UGT2B11: variants seen among roughly 807,000 people sequenced by gnomAD.
UGT2B11 encodes the protein UDP-glucuronosyltransferase 2B11.
A neutral mutation model predicts 51.7 loss-of-function variants in UGT2B11; 49 were observed. The ratio of observed to expected loss-of-function variants is 0.95; its 90% CI spans 0.75 to 1.20. The LOEUF is 1.20. Among genes scored for constraint, UGT2B11 ranks in the 50% most tolerant of loss-of-function variants. The pLI is 0.00. For missense variants in UGT2B11, 810 were observed against 622.1 expected (o/e 1.30, Z -3.21); for synonymous variants, 273 against 209.0 (o/e 1.31, Z -2.64).
intron 4 of UGT2B11, among the ~76,000 whole-genome samples, chr4:69,205,201 A>T (rs1447893206): frequency 6.6e-6 from 1 of 151,728 alleles, no homozygotes; most frequent in Non-Finnish European, 1.5e-5. Context: ...AAAATTGTAG[A>T]AACAGGAGAC....
chr4:69,205,140 T>C (rs952739930), intron 4 of UGT2B11, among the ~76,000 whole-genome samples: 1 of 151,646 alleles, frequency 6.6e-6, no homozygotes, highest in African/African-American at 2.4e-5. Flanking sequence ...GAAGAGCTAT[T>C]ATATTTACTG....
Position 69,214,549 on chromosome 4 carries a change from A to C in UGT2B11, c.174T>G (p.Ser58=). 1 of 1,613,250 alleles carries C rather than the reference A, an allele frequency of 6.2e-7. No individual in the cohort carries two copies. The highest frequency in any genetic ancestry group is 8.5e-7 in the Non-Finnish European group (1 of 1,179,490). ...TGGGATCAAAAAGAATGGAAGCTGA[A>C]GATGCCAGTACAGTCACCTCATGAC... The part of the protein sequence containing the change: ...QRGHEVTVLA[S]SASILFDPND... The change falls in exon 1 of 6, where the codon TCT becomes TCG. Residue 58 remains serine, a synonymous_variant. Coordinates refer to ENST00000446444, the MANE Select transcript of UGT2B11 (RefSeq NM_001073.3).
At chr4:69,201,021 G>A (rs543173690) in intron 5 of UGT2B11, among the ~76,000 whole-genome samples, 1 of 151,294 alleles carries the variant, frequency 6.6e-6, no homozygotes, top group African/African-American at 2.4e-5. Flanking sequence ...AAGTTTTTGT[G>A]GGTCCATATT....
Position 69,214,241 on chromosome 4 carries a change from G to C in UGT2B11, c.482C>G (p.Ala161Gly). The change falls in exon 1 of 6, where the codon GCT becomes GGT. Residue 161 changes from alanine (A) to glycine (G), a missense_variant. Coordinates refer to ENST00000446444, the MANE Select transcript of UGT2B11 (RefSeq NM_001073.3). ...CACAAACCGTATGTTAAGTAGCGCA[G>C]CCAGCAGCTCACCACAGGGAAAAAC... The part of the protein sequence containing the change: ...DAVFPCGELL[A>G]ALLNIRFVYS... The C allele has an allele frequency of 1.2e-6, 2 of 1,613,302 alleles. No individual in the cohort carries two copies. The highest frequency in any genetic ancestry group is 1.3e-5 in the African/African-American group (1 of 74,966).
upstream of UGT2B11, among the ~76,000 whole-genome samples, chr4:69,218,210 T>A (rs1246246253): frequency 6.6e-6 from 1 of 152,072 alleles, no homozygotes; most frequent in Non-Finnish European, 1.5e-5. Flanking sequence ...AGAGTCTACT[T>A]CTTGGAGCCA....
chr4:69,223,150 G>A, the UGT2B11 span, among the ~76,000 whole-genome samples: 1 of 152,138 alleles, frequency 6.6e-6, no homozygotes, highest in Admixed American at 6.5e-5. Flanking sequence ...AGGGGACCAC[G>A]TTTCTCCATT....
At chr4:69,220,447 G>A in the UGT2B11 span, among the ~76,000 whole-genome samples, 1 of 151,962 alleles carries the variant, frequency 6.6e-6, no homozygotes, top group Non-Finnish European at 1.5e-5. Context: ...CTCTCTGTGT[G>A]GGTGTGTTGG....
chr4:69,209,932 GT>G (rs1560539347), intron 2 of UGT2B11, among the ~76,000 whole-genome samples: 3 of 151,132 alleles, frequency 2.0e-5, no homozygotes, highest in Non-Finnish European at 4.4e-5. Flanking sequence ...AGTATGAAAA[GT>G]TTTTTAAAAA....
At chr4:69,224,032 C>T in the UGT2B11 span, among the ~76,000 whole-genome samples, 13 of 152,162 alleles carry the variant, frequency 8.5e-5, no homozygotes, top group African/African-American at 3.1e-4. Flanking sequence ...GGGAACCATA[C>T]ACTATGGTGG....
chr4:69,210,760 GC>G (rs1377224785), intron 2 of UGT2B11, among the ~76,000 whole-genome samples: 3 of 151,474 alleles, frequency 2.0e-5, no homozygotes, highest in Non-Finnish European at 3.0e-5. Context: ...CATACAATTT[GC>G]ATTAAACAGA....
At chr4:69,208,997 A>C (rs13107219) in intron 2 of UGT2B11, among the ~76,000 whole-genome samples, 3 of 151,770 alleles carry the variant, frequency 2.0e-5, no homozygotes, top group Admixed American at 6.6e-5. Context: ...ATAATTTTAT[A>C]TCTACATTTA....
At chr4:69,216,612 C>A (rs1222724915), upstream of UGT2B11, 1 of 151,242 alleles carries the variant, frequency 6.6e-6, no homozygotes, top group African/African-American at 2.4e-5. Context: ...GCATAAGAAA[C>A]AAAAAAGCCC....
intron 3 of UGT2B11, among the ~76,000 whole-genome samples, chr4:69,207,787 T>A (rs1721912871): frequency 1.3e-5 from 2 of 151,640 alleles, no homozygotes; most frequent in Admixed American, 1.3e-4. Flanking sequence ...ACCAAGAGCT[T>A]CCAGAGTACG....
At chr4:69,224,934 G>A in the UGT2B11 span, among the ~76,000 whole-genome samples, 126 of 152,208 alleles carry the variant, frequency 8.3e-4, no homozygotes, top group Non-Finnish European at 1.5e-3. Flanking sequence ...CAATTAACAT[G>A]TCTTAGATCT....
chr4:69,219,836 G>T, the UGT2B11 span, among the ~76,000 whole-genome samples: 1 of 152,054 alleles, frequency 6.6e-6, no homozygotes, highest in South Asian at 2.1e-4. Flanking sequence ...ATGAAATTTC[G>T]GTGAGGGAAC....
chr4:69,223,802 T>G, the UGT2B11 span, among the ~76,000 whole-genome samples: 1 of 152,038 alleles, frequency 6.6e-6, no homozygotes, highest in Non-Finnish European at 1.5e-5. Flanking sequence ...TCCAGTAATC[T>G]GTGTCCCAAC....
rs2109936020 is a variant in UGT2B11 at position 69,200,109 on chromosome 4, T to C, written c.*331A>G. On this transcript the variant is annotated 3_prime_UTR_variant, in exon 6 of 6. Coordinates refer to ENST00000446444, the MANE Select transcript of UGT2B11 (RefSeq NM_001073.3). ...TAAAATGTGTGAAATATAGTTAAGC[T>C]GAGTAAATTTTTTCATGTAACTTGT... 5.2e-6 allele frequency: 1 copy of C among 192,350 alleles called. No individual in the cohort carries two copies. The highest frequency in any genetic ancestry group is 5.7e-5 in the Admixed American group (1 of 17,694). 11.9% of individuals were successfully genotyped at this position (192,350 alleles called of 1,614,324 possible).
the UGT2B11 span, among the ~76,000 whole-genome samples, chr4:69,223,243 C>G: frequency 1.3e-5 from 2 of 152,108 alleles, no homozygotes; most frequent in Admixed American, 1.3e-4. Flanking sequence ...GAATTTGTCT[C>G]AGTTATTCAG....
At chr4:69,208,204 T>A (rs867491471) in intron 3 of UGT2B11, 147 bp downstream of exon 3, 2 of 1,475,280 alleles carry the variant, frequency 1.4e-6, no homozygotes, top group Non-Finnish European at 1.8e-6. Context: ...AACTATTACT[T>A]GTGTTGGTGG....
Sources: gnomAD v4.1 joint callset for allele counts (sites outside exome capture counted in the v4.1 genomes callset) on GRCh38, gnomAD v4.1.1 for gene constraint, MANE v1.5 for transcripts, NCBI Gene and HGNC (gene_info 2026-07-23, HGNC 2026-07-21) for gene names.